Variants in AIG1 observed in about 807,000 individuals in gnomAD.
AIG1 encodes androgen induced 1.
Under a neutral mutation model 31.4 loss-of-function variants are expected in AIG1, and 23 were observed. The observed-to-expected ratio is 0.73, with a 90% confidence interval of 0.53 to 1.04. The LOEUF is 1.04. Ranked by LOEUF, AIG1 falls within the 50% of genes least tolerant of loss-of-function variation. The pLI, the probability that AIG1 is intolerant of heterozygous loss-of-function variation, is 0.00. For synonymous variants in AIG1, 100 were observed against 110.5 expected (o/e 0.90, Z 0.60); for missense variants, 274 against 295.0 (o/e 0.93, Z 0.52).
At chr6:143,123,553 T>C (rs1782414070) in intron 1 of AIG1, among the ~76,000 whole-genome samples, 2 of 152,202 alleles carry the variant, frequency 1.3e-5, no homozygotes, top group African/African-American at 4.8e-5. Context: ...TTTTCAGTCA[T>C]TTATATCTTG....
chr6:143,229,720 T>C (rs776039369), intron 3 of AIG1, among the ~76,000 whole-genome samples: 9 of 151,848 alleles, frequency 5.9e-5, no homozygotes, highest in Non-Finnish European at 1.2e-4. Flanking sequence ...CCTTTAGTTG[T>C]TTTTTTCTTA....
At chr6:143,084,306 G>C (rs944036392) in intron 1 of AIG1, among the ~76,000 whole-genome samples, 5 of 152,128 alleles carry the variant, frequency 3.3e-5, no homozygotes, top group African/African-American at 1.2e-4. Flanking sequence ...CTTGACATAA[G>C]GGGCATGGAC....
chr6:143,262,235 A>G (rs558854963), intron 3 of AIG1, among the ~76,000 whole-genome samples: 1 of 152,378 alleles, frequency 6.6e-6, no homozygotes, highest in South Asian at 2.1e-4. Flanking sequence ...AAATGGGCTT[A>G]CATAATCCAA....
At chr6:143,290,468 C>T (rs528681802) in intron 4 of AIG1, among the ~76,000 whole-genome samples, 7 of 152,320 alleles carry the variant, frequency 4.6e-5, no homozygotes, top group East Asian at 3.9e-4. Context: ...ACCGGAGTTG[C>T]GCGCATGCTC....
rs374116781 is a variant in AIG1, at chr6:143,187,571, G to C, written c.399+22388G>C. On this transcript the variant is annotated intron_variant, in intron 3 of 5. Coordinates refer to ENST00000357847, the MANE Select transcript of AIG1 (RefSeq NM_016108.4). ...TAATATTTGCATAAAAATATGAAAA[G>C]CAACCTTCTGCAGGGAGAGAAGGCA... 46 of 1,536,066 alleles carry C rather than the reference G, an allele frequency of 3.0e-5. No homozygotes were observed. In the African/African-American group the frequency reaches 4.9e-4, roughly 16 times the overall value.
intron 1 of AIG1, among the ~76,000 whole-genome samples, chr6:143,074,731 T>G (rs1477329175): frequency 6.6e-6 from 1 of 152,222 alleles, no homozygotes; most frequent in Non-Finnish European, 1.5e-5. Context: ...GGTTATGAGG[T>G]ATTGCTCATT....
At chr6:143,149,459 G>A (rs746317275) in intron 2 of AIG1, among the ~76,000 whole-genome samples, 7 of 150,962 alleles carry the variant, frequency 4.6e-5, no homozygotes, top group South Asian at 2.1e-4. Flanking sequence ...CCCTGAAGGC[G>A]GGGCTTGCAG....
intron 3 of AIG1, among the ~76,000 whole-genome samples, chr6:143,277,090 C>T (rs1441682106): frequency 1.3e-5 from 2 of 152,198 alleles, no homozygotes; most frequent in Admixed American, 1.3e-4. Flanking sequence ...CAGTTTTTCT[C>T]ATGTCCCCTT....
intron 5 of AIG1, among the ~76,000 whole-genome samples, chr6:143,337,042 A>G (rs1222165693): frequency 2.0e-5 from 3 of 152,226 alleles, no homozygotes; most frequent in African/African-American, 7.2e-5. Context: ...CTCAGGGCTC[A>G]CAGGGGAGGG....
At chr6:143,112,200 C>T (rs1162712551) in intron 1 of AIG1, among the ~76,000 whole-genome samples, 1 of 152,146 alleles carries the variant, frequency 6.6e-6, no homozygotes, top group African/African-American at 2.4e-5. Flanking sequence ...CAGTTCCTTC[C>T]ATCACTCTGT....
At chr6:143,260,907 A>C (rs923943776) in intron 3 of AIG1, among the ~76,000 whole-genome samples, 9 of 151,092 alleles carry the variant, frequency 6.0e-5, no homozygotes, top group African/African-American at 1.9e-4. Context: ...ATTCCCCTTC[A>C]CCCCCCCGCC....
chr6:143,202,119 C>T (rs976334133), intron 3 of AIG1, among the ~76,000 whole-genome samples: 2 of 152,104 alleles, frequency 1.3e-5, no homozygotes, highest in African/African-American at 4.8e-5. Context: ...ATCGTGTTGC[C>T]GAGAAACGAC....
At chr6:143,306,119 C>T (rs1799283583) in intron 4 of AIG1, among the ~76,000 whole-genome samples, 2 of 151,018 alleles carry the variant, frequency 1.3e-5, no homozygotes, top group African/African-American at 4.9e-5. Context: ...CTATGTGTGT[C>T]TCTGCACGTG....
chr6:143,218,978 G>A (rs1792248734), intron 3 of AIG1, among the ~76,000 whole-genome samples: 1 of 152,122 alleles, frequency 6.6e-6, no homozygotes, highest in Admixed American at 6.5e-5. Context: ...TTGGTTCTGA[G>A]GAAACCTCTG....
At chr6:143,066,196 T>C (rs907980356) in intron 1 of AIG1, among the ~76,000 whole-genome samples, 4 of 152,190 alleles carry the variant, frequency 2.6e-5, no homozygotes, top group African/African-American at 7.2e-5. Context: ...TAAATGCTGC[T>C]CTAAGTTGCA....
chr6:143,176,111 T>C lies in AIG1; in HGVS notation c.399+10928T>C, dbSNP rs116335548. On this transcript the variant is annotated intron_variant, in intron 3 of 5. Coordinates refer to ENST00000357847, the MANE Select transcript of AIG1 (RefSeq NM_016108.4). ...TAGCCACCCAGTGGAGCTGCCAGGC[T>C]CTGGCTTGGTACTGGGAAGTGTCTG... is the stretch of plus-strand genomic sequence containing the variant. 3.1e-3 allele frequency among the ~76,000 whole-genome samples: 465 copies of C among 152,318 alleles called. 3 individuals carry two copies. Among genetic ancestry groups the C allele is most frequent in the African/African-American group, 9.4e-3 (391 of 41,586 alleles).
At chr6:143,342,822 C>G (rs1777883072), downstream of AIG1, 1 of 802,400 alleles carries the variant, frequency 1.2e-6, no homozygotes, top group Non-Finnish European at 2.3e-6. Context: ...GGACAGTGAT[C>G]TGATATTTCA....
At chr6:143,301,338 C>T (rs1201332871) in intron 4 of AIG1, among the ~76,000 whole-genome samples, 1 of 152,182 alleles carries the variant, frequency 6.6e-6, no homozygotes, top group African/African-American at 2.4e-5. Flanking sequence ...GCAAGGAGCT[C>T]ACCACAAAGG....
chr6:143,263,125 C>T (rs1244705946), intron 3 of AIG1, among the ~76,000 whole-genome samples: 1 of 152,154 alleles, frequency 6.6e-6, no homozygotes, highest in Non-Finnish European at 1.5e-5. Context: ...TTACTCCCCC[C>T]AGTTGTCTTT....
Sources: allele counts gnomAD v4.1 joint callset (sites outside exome capture counted in the v4.1 genomes callset), GRCh38; gene constraint gnomAD v4.1.1; transcripts MANE v1.5; gene names NCBI Gene and HGNC (gene_info 2026-07-23, HGNC 2026-07-21).